The following KCNIP1 variants were observed in gnomAD, a reference collection of about 807,000 sequenced individuals.
The protein encoded by KCNIP1 is potassium voltage-gated channel interacting protein 1, also known as A-type potassium channel modulatory protein KCNIP1.
A neutral mutation model predicts 33.0 loss-of-function variants in KCNIP1; 18 were observed. The observed-to-expected ratio is 0.55, with a 90% CI of 0.38 to 0.81. KCNIP1 has a LOEUF of 0.81. Ranked by LOEUF, KCNIP1 falls within the 30% of genes least tolerant of loss-of-function variation. The pLI, the probability that KCNIP1 is intolerant of heterozygous loss-of-function variation, is 0.00. For synonymous variants in KCNIP1, 93 were observed against 98.3 expected, an observed-to-expected ratio of 0.95 and a Z score of 0.32; for missense variants, 238 against 271.6, an observed-to-expected ratio of 0.88 and a Z score of 0.87.
intron 1 of KCNIP1, among the ~76,000 whole-genome samples, chr5:170,370,716 G>T (rs778606132): frequency 9.8e-5 from 15 of 152,300 alleles, no homozygotes; most frequent in Non-Finnish European, 2.1e-4. Flanking sequence ...CTGAGACCTG[G>T]GCGCAATGGC....
At chr5:170,539,989 A>G (rs949451771) in intron 1 of KCNIP1, among the ~76,000 whole-genome samples, 1 of 152,170 alleles carries the variant, frequency 6.6e-6, no homozygotes, top group East Asian at 1.9e-4. Context: ...AAGATTTTTT[A>G]AATAATAATA....
chr5:170,658,770 G>A (rs866084521), intron 1 of KCNIP1, among the ~76,000 whole-genome samples: 23 of 152,292 alleles, frequency 1.5e-4, no homozygotes, highest in Middle Eastern at 3.4e-3. Flanking sequence ...AATCAATGGA[G>A]CCAAATGACT....
rs141856855 is a variant in KCNIP1, at chr5:170,432,950, G to A, written c.88+78986G>A. ...AAAGGAAGTGGGGCCTGGTCTAAGC[G>A]ATCAGGGAATGTCTCTTTAAAGAAG... On this transcript the variant is annotated intron_variant, in intron 1 of 7. Coordinates refer to the KCNIP1 transcript ENST00000377360. 1.2e-3 allele frequency among the ~76,000 whole-genome samples: 180 copies of A among 152,218 alleles called. 2 individuals are homozygous for A. The highest frequency in any genetic ancestry group is 9.7e-3 in the South Asian group (47 of 4,822).
At chr5:170,545,061 T>A (rs1756362121) in intron 1 of KCNIP1, among the ~76,000 whole-genome samples, 1 of 152,214 alleles carries the variant, frequency 6.6e-6, no homozygotes, top group South Asian at 2.1e-4. Context: ...AGTGTCAGTG[T>A]GATGGCACTA....
chr5:170,697,010 T>A (rs572455947), intron 1 of KCNIP1, among the ~76,000 whole-genome samples: 1 of 152,112 alleles, frequency 6.6e-6, no homozygotes, highest in African/African-American at 2.4e-5. Flanking sequence ...ACGTAGAATC[T>A]GCCTCTGTCT....
rs568321618 is a variant in KCNIP1, at chr5:170,584,952, C to T, written c.61+80319C>T. Among the ~76,000 whole-genome samples the T allele has an allele frequency of 4.6e-5, 7 of 152,232 alleles. No homozygotes were observed. In the South Asian group the frequency reaches 1.5e-3, roughly 32 times the overall value. On this transcript the variant is annotated intron_variant, in intron 1 of 7. Coordinates refer to ENST00000328939, the MANE Select transcript of KCNIP1 (RefSeq NM_014592.4). ...ATCAGTGTGGCCCCATCTACTAGTG[C>T]TCTCCAAGTCCAGCAATGTGTTAAC...
At chr5:170,718,273 G>A (rs533745716) in intron 1 of KCNIP1, among the ~76,000 whole-genome samples, 4 of 152,228 alleles carry the variant, frequency 2.6e-5, no homozygotes, top group East Asian at 3.9e-4. Context: ...TTAACATGCC[G>A]TAATTTGAAC....
intron 5 of KCNIP1, among the ~76,000 whole-genome samples, chr5:170,727,674 T>G (rs760921205): frequency 9.2e-5 from 14 of 152,206 alleles, no homozygotes; most frequent in Non-Finnish European, 1.8e-4. Flanking sequence ...TAAAGGCTCA[T>G]ACCTGTAATC....
chr5:170,510,273 T>C (rs987472842), intron 1 of KCNIP1, among the ~76,000 whole-genome samples: 1 of 152,246 alleles, frequency 6.6e-6, no homozygotes, highest in African/African-American at 2.4e-5. Flanking sequence ...TTTACACATT[T>C]ATCTCTCTGA....
At chr5:170,628,843 G>C (rs578049506) in intron 1 of KCNIP1, among the ~76,000 whole-genome samples, 153 of 152,338 alleles carry the variant, frequency 1.0e-3, no homozygotes, top group African/African-American at 3.5e-3. Context: ...CTGAGCAAGT[G>C]TTGCAGCTTT....
rs1763718224 is a variant in KCNIP1, at chr5:170,367,421, G to GGAAGGAAAGAAA, written c.88+13460_88+13461insGGAAAGAAAGAA. Among the ~76,000 whole-genome samples, 12 of 74,734 alleles carry GGAAGGAAAGAAA rather than the reference G, an allele frequency of 1.6e-4. No homozygotes were observed. In the East Asian group the frequency reaches 2.6e-3, roughly 16 times the overall value. 49.0% of individuals were successfully genotyped at this position (74,734 alleles called of 152,430 possible). ...AGAAAGAAAGAAAGAAAGAAAGAAAGGAAAGAAAGAAAGAAAGGAAAGAAA... is the reference window on the plus strand; with the variant it reads ...AGAAAGAAAGAAAGAAAGAAAGAAAGGAAGGAAAGAAAGAAAGAAAGAAAGAAAGGAAAGAAA... On this transcript the variant is annotated intron_variant, in intron 1 of 7. Transcript: ENST00000377360.
At chr5:170,729,780 G>A (rs528696496) in intron 5 of KCNIP1, among the ~76,000 whole-genome samples, 1 of 152,182 alleles carries the variant, frequency 6.6e-6, no homozygotes, top group East Asian at 1.9e-4. Flanking sequence ...AAAGTGTTCT[G>A]ATAATAAACT....
chr5:170,626,069 G>A (rs1241730646), intron 1 of KCNIP1, among the ~76,000 whole-genome samples: 2 of 152,202 alleles, frequency 1.3e-5, no homozygotes, highest in Admixed American at 6.5e-5. Flanking sequence ...GACCCTGCAG[G>A]GCCTTGCAGG....
chr5:170,699,812 A>G (rs1200917165), intron 1 of KCNIP1, among the ~76,000 whole-genome samples: 45 of 152,108 alleles, frequency 3.0e-4, no homozygotes. Flanking sequence ...TCTCAGGCCT[A>G]TGTCACAGGC....
chr5:170,493,195 G>A (rs181186523), intron 1 of KCNIP1, among the ~76,000 whole-genome samples: 100 of 152,202 alleles, frequency 6.6e-4, no homozygotes, highest in African/African-American at 2.4e-3. Flanking sequence ...CACCAAATGC[G>A]AGCTCCCCCA....
chr5:170,588,108 T>G (rs75864777), intron 1 of KCNIP1, among the ~76,000 whole-genome samples: 13,175 of 152,250 alleles, frequency 0.087, 644 homozygotes, highest in South Asian at 0.12. Flanking sequence ...AATCTTTCAG[T>G]TTCCAAAAGT....
At chr5:170,561,144 T>C (rs1169896655) in intron 1 of KCNIP1, 5 of 455,976 alleles carry the variant, frequency 1.1e-5, no homozygotes, top group South Asian at 6.2e-5. Context: ...GCTGGAGATG[T>C]GTTTATGCTC....
At chr5:170,608,232 C>G (rs181060236) in intron 1 of KCNIP1, among the ~76,000 whole-genome samples, 6 of 152,188 alleles carry the variant, frequency 3.9e-5, no homozygotes, top group Non-Finnish European at 8.8e-5. Context: ...GAAAAGCAAA[C>G]CTTTGCTGCT....
At chr5:170,584,449 G>A (rs930922033) in intron 1 of KCNIP1, among the ~76,000 whole-genome samples, 1 of 152,158 alleles carries the variant, frequency 6.6e-6, no homozygotes, top group Non-Finnish European at 1.5e-5. Context: ...ACCAGAACTT[G>A]GAAAAGCTTA....
Sources: gnomAD v4.1 joint callset for allele counts (sites outside exome capture counted in the v4.1 genomes callset) on GRCh38, gnomAD v4.1.1 for gene constraint, MANE v1.5 for transcripts, NCBI Gene and HGNC (gene_info 2026-07-23, HGNC 2026-07-21) for gene names.